RASAL2: variants seen among roughly 807,000 people sequenced by gnomAD.
RASAL2 encodes the protein ras GTPase-activating protein nGAP.
Under a neutral mutation model 128.9 loss-of-function variants are expected in RASAL2, and 58 were observed. That is an observed-to-expected ratio of 0.45 (90% confidence interval 0.36 to 0.56). The LOEUF is 0.56. Ranked by LOEUF, RASAL2 falls within the 20% of genes least tolerant of loss-of-function variation. RASAL2 has a pLI of 0.00. For synonymous variants in RASAL2, 561 were observed against 580.8 expected (o/e 0.97, Z 0.49); for missense variants, 1,360 against 1,601.6 (o/e 0.85, Z 2.57).
At chr1:178,376,973 A>G (rs1215474495) in intron 3 of RASAL2, among the ~76,000 whole-genome samples, 1 of 152,136 alleles carries the variant, frequency 6.6e-6, no homozygotes, top group African/African-American at 2.4e-5. Flanking sequence ...ATTATTATTC[A>G]GTAGATAATG....
chr1:178,463,988 C>T (rs529831576), intron 14 of RASAL2, among the ~76,000 whole-genome samples: 1 of 152,040 alleles, frequency 6.6e-6, no homozygotes, highest in Non-Finnish European at 1.5e-5. Context: ...GTATTTGGAC[C>T]ACTGGGCAAA....
intron 1 of RASAL2, among the ~76,000 whole-genome samples, chr1:178,103,576 T>C (rs1036822175): frequency 3.3e-5 from 5 of 151,064 alleles, no homozygotes; most frequent in Admixed American, 6.6e-5. Context: ...CTTAATTTAA[T>C]TTTTTTTAAT....
chr1:178,243,155 C>T (rs933854772), intron 1 of RASAL2, among the ~76,000 whole-genome samples: 3 of 152,128 alleles, frequency 2.0e-5, no homozygotes, highest in Non-Finnish European at 4.4e-5. Flanking sequence ...GTTTAGCATG[C>T]AGCTCCAAGC....
At chr1:178,252,754 A>G (rs528233352) in intron 1 of RASAL2, among the ~76,000 whole-genome samples, 5 of 152,336 alleles carry the variant, frequency 3.3e-5, no homozygotes, top group Admixed American at 2.0e-4. Flanking sequence ...AAAATCTACC[A>G]TCTGATTGGA....
At chr1:178,324,394 G>C (rs1472293811) in intron 3 of RASAL2, among the ~76,000 whole-genome samples, 1 of 150,948 alleles carries the variant, frequency 6.6e-6, no homozygotes, top group East Asian at 1.9e-4. Context: ...CTGGGTGACA[G>C]AGCAAGACTC....
Position 178,417,818 on chromosome 1 carries a change from TTAG to T in RASAL2, c.565-2689_565-2687del, listed in dbSNP as rs1365880147. Among the ~76,000 whole-genome samples, 5 of 151,252 alleles carry T rather than the reference TTAG, an allele frequency of 3.3e-5. No homozygotes were observed. In the East Asian group the frequency reaches 9.7e-4, roughly 29 times the overall value. On this transcript the variant is annotated intron_variant, in intron 4 of 17. Transcript: ENST00000367649. ...GGTAGAATTAAATTACTAGATTTAA[TTAG>T]TAGACAGTCTACTAATACTGTCTCA... is the stretch of plus-strand genomic sequence containing the variant.
chr1:178,313,472 C>A (rs1442785707), intron 3 of RASAL2, among the ~76,000 whole-genome samples: 1 of 151,902 alleles, frequency 6.6e-6, no homozygotes, highest in East Asian at 1.9e-4. Flanking sequence ...AACCAGTTGA[C>A]TCTAAACTGT....
intron 3 of RASAL2, among the ~76,000 whole-genome samples, chr1:178,369,663 G>C (rs938129340): frequency 6.6e-6 from 1 of 152,036 alleles, no homozygotes; most frequent in Non-Finnish European, 1.5e-5. Context: ...AAGTTATTTT[G>C]GTTGTTAAAT....
intron 1 of RASAL2, among the ~76,000 whole-genome samples, chr1:178,167,751 A>G (rs144326955): frequency 9.4e-4 from 143 of 151,908 alleles, no homozygotes; most frequent in African/African-American, 2.8e-3. Context: ...TTAAATTTCT[A>G]TGCTACATGG....
At chr1:178,160,127 G>A (rs1333743767) in intron 1 of RASAL2, among the ~76,000 whole-genome samples, 1 of 150,916 alleles carries the variant, frequency 6.6e-6, no homozygotes, top group Admixed American at 6.6e-5. Context: ...GTATACATGT[G>A]TCATGTTGGT....
chr1:178,262,854 A>G (rs1452519310), intron 1 of RASAL2, among the ~76,000 whole-genome samples: 1 of 149,180 alleles, frequency 6.7e-6, no homozygotes, highest in Non-Finnish European at 1.5e-5. Flanking sequence ...AATGGTGTAC[A>G]TTAAGCTGAA....
chr1:178,432,860 T>C (rs563551121), intron 5 of RASAL2, among the ~76,000 whole-genome samples: 13 of 152,228 alleles, frequency 8.5e-5, no homozygotes, highest in Admixed American at 3.3e-4. Flanking sequence ...TCTAGGTCTT[T>C]CATTTCTTTT....
chr1:178,114,683 G>A (rs540214901), intron 1 of RASAL2, among the ~76,000 whole-genome samples: 89 of 151,890 alleles, frequency 5.9e-4, no homozygotes, highest in Non-Finnish European at 1.0e-3. Context: ...CACCACGCCC[G>A]GCTAATTTTT....
intron 1 of RASAL2, among the ~76,000 whole-genome samples, chr1:178,226,850 G>T (rs1228778116): frequency 6.6e-6 from 1 of 152,180 alleles, no homozygotes; most frequent in Non-Finnish European, 1.5e-5. Context: ...TGAGGCAGGA[G>T]AATCACTTGA....
At chr1:178,357,008 C>A (rs1200009862) in intron 3 of RASAL2, among the ~76,000 whole-genome samples, 1 of 151,998 alleles carries the variant, frequency 6.6e-6, no homozygotes, top group Non-Finnish European at 1.5e-5. Context: ...TTGCAGTTGC[C>A]AACTTTGAGT....
At chr1:178,121,857 T>C (rs1200533716) in intron 1 of RASAL2, among the ~76,000 whole-genome samples, 1 of 152,188 alleles carries the variant, frequency 6.6e-6, no homozygotes, top group Non-Finnish European at 1.5e-5. Context: ...ACTCTGTGTA[T>C]AGCTTAAAAC....
chr1:178,094,764 G>C, intron 1 of RASAL2, 70 bp downstream of exon 1: 1 of 1,567,778 alleles, frequency 6.4e-7, no homozygotes, highest in Non-Finnish European at 8.7e-7. Flanking sequence ...CATTCCCTAA[G>C]TCACAGGCTC....
intron 4 of RASAL2, among the ~76,000 whole-genome samples, chr1:178,399,989 A>G (rs1673508634): frequency 6.6e-6 from 1 of 152,106 alleles, no homozygotes; most frequent in African/African-American, 2.4e-5. Context: ...AGTTTCATAC[A>G]TTTTATTTGG....
At chr1:178,200,989 A>G (rs1662847150) in intron 1 of RASAL2, among the ~76,000 whole-genome samples, 1 of 152,184 alleles carries the variant, frequency 6.6e-6, no homozygotes, top group Non-Finnish European at 1.5e-5. Flanking sequence ...ACACCCTGTG[A>G]GCTTCTAGAC....
Sources: allele counts gnomAD v4.1 joint callset (sites outside exome capture counted in the v4.1 genomes callset), GRCh38; gene constraint gnomAD v4.1.1; transcripts MANE v1.5; gene names NCBI Gene and HGNC (gene_info 2026-07-23, HGNC 2026-07-21).